The following NFRKB variants were observed in gnomAD, a reference collection of about 807,000 sequenced individuals.
The protein encoded by NFRKB is nuclear factor related to kappaB binding protein, also known as nuclear factor related to kappa-B-binding protein.
A neutral mutation model predicts 135.7 loss-of-function variants in NFRKB; 62 were observed. The observed-to-expected ratio is 0.46, with a 90% CI of 0.37 to 0.56. NFRKB has a LOEUF of 0.56. Ranked by LOEUF, NFRKB falls within the 20% of genes least tolerant of loss-of-function variation. The probability of loss-of-function intolerance (pLI) is 0.00; values close to 1 mark genes in which losing one functional copy is unlikely to be tolerated. For missense variants in NFRKB, 1,545 were observed against 1,662.0 expected (o/e 0.93, Z 1.22); for synonymous variants, 678 against 635.6 (o/e 1.07, Z -1.00).
intron 1 of NFRKB, among the ~76,000 whole-genome samples, chr11:129,895,004 A>G (rs556270735): frequency 6.6e-6 from 1 of 152,272 alleles, no homozygotes; most frequent in African/African-American, 2.4e-5. Flanking sequence ...TTCTGAACAG[A>G]ATCTCAAAAT....
In NFRKB at chr11:129,865,927, C is replaced by T. The variant is rs117354966; in HGVS notation, c.3588G>A (p.Lys1196=). 0.016 allele frequency: 26,123 copies of T among 1,613,904 alleles called. 242 individuals are homozygous for T. The highest frequency in any genetic ancestry group is 0.019 in the Non-Finnish European group (22,901 of 1,179,942). Residue 1196 remains lysine, a synonymous_variant, in exon 25 of 27, where the codon AAG becomes AAA. Coordinates refer to ENST00000682444, the MANE Select transcript of NFRKB (RefSeq NM_001143835.2). Reference sequence around the variant, plus strand: ...TGGGGGCTGTGACCACGCTCTTGCCCTTCATTGGCTGGCTGATCACAGAGA... The same window carrying T: ...TGGGGGCTGTGACCACGCTCTTGCCTTTCATTGGCTGGCTGATCACAGAGA... The part of the protein sequence containing the change: ...VPLSVISQPM[K]GKSVVTAPII...
intron 4 of NFRKB, 93 bp downstream of exon 4, chr11:129,888,501 T>C (rs746626933): frequency 6.3e-5 from 79 of 1,256,714 alleles, no homozygotes; most frequent in Non-Finnish European, 8.9e-5. Context: ...TACATGAAGA[T>C]AAAAAGAAGA....
intron 7 of NFRKB, among the ~76,000 whole-genome samples, chr11:129,884,391 CA>C (rs1052337366): frequency 6.6e-6 from 1 of 152,160 alleles, no homozygotes; most frequent in African/African-American, 2.4e-5. Flanking sequence ...CTGTTCCAAA[CA>C]AAAACTCTTC....
chr11:129,894,763 G>C (rs975685250), intron 1 of NFRKB, among the ~76,000 whole-genome samples: 1 of 152,154 alleles, frequency 6.6e-6, no homozygotes, highest in Non-Finnish European at 1.5e-5. Flanking sequence ...CATAGCATGT[G>C]AGTTTAACAA....
chr11:129,888,702 A>G lies in NFRKB; in HGVS notation c.229T>C (p.Phe77Leu), dbSNP rs971085382. Residue 77 changes from phenylalanine (F) to leucine (L), a missense_variant, in exon 4 of 27, where the codon TTT becomes CTT. Transcript: ENST00000682444. ...TGCTGCTCAGCACTGTCTTCAGGAA[A>G]CTGGGGCAGAAACTGCTGGAGGTGT... ...REHLQQFLPQFPEDSAEQQNE... is the reference protein window; with the variant it reads ...REHLQQFLPQLPEDSAEQQNE... 3.1e-6 allele frequency: 5 copies of G among 1,614,216 alleles called. No homozygotes were observed. The highest frequency in any genetic ancestry group is 4.2e-6 in the Non-Finnish European group (5 of 1,180,028).
intron 1 of NFRKB, among the ~76,000 whole-genome samples, chr11:129,895,275 GC>G (rs1949721651): frequency 6.6e-6 from 1 of 152,082 alleles, no homozygotes; most frequent in Middle Eastern, 3.2e-3. Flanking sequence ...CTGGCCCAAG[GC>G]CCGGGTCCAA....
intron 22 of NFRKB, 152 bp downstream of exon 22, chr11:129,873,593 T>C: frequency 9.0e-7 from 1 of 1,106,906 alleles, no homozygotes; most frequent in Non-Finnish European, 1.3e-6. Context: ...TACACAGCTC[T>C]GAACATTCAG....
At chr11:129,872,267 C>A (rs1008743625) in intron 23 of NFRKB, among the ~76,000 whole-genome samples, 4 of 152,094 alleles carry the variant, frequency 2.6e-5, no homozygotes, top group Non-Finnish European at 4.4e-5. Flanking sequence ...GTTTAATGTA[C>A]CATTAAATCT....
chr11:129,875,916 C>T (rs536645941), intron 17 of NFRKB, among the ~76,000 whole-genome samples: 1 of 152,222 alleles, frequency 6.6e-6, no homozygotes, highest in South Asian at 2.1e-4. Flanking sequence ...CTTGGCCTCC[C>T]AAAGTGCTGG....
At chr11:129,869,327 T>C (rs1371638725) in intron 24 of NFRKB, among the ~76,000 whole-genome samples, 167 bp downstream of exon 24, 1 of 152,140 alleles carries the variant, frequency 6.6e-6, no homozygotes, top group African/African-American at 2.4e-5. Flanking sequence ...CAAAAGCCTA[T>C]CAGTAAATAA....
rs1489221666 is a variant in NFRKB at position 129,882,515 on chromosome 11, T to G, written c.1018A>C (p.Thr340Pro). The change falls in exon 10 of 27, where the codon ACT becomes CCT. Residue 340 changes from threonine (T) to proline (P), a missense_variant. Physicochemically the swap from Thr to Pro is conservative, Grantham distance 38 (BLOSUM62 -1). Transcript: ENST00000682444. ...TGTGAGAGAGGTGCGACCCCTTCAG[T>G]ACTGCTTAGCGGCTCGGCCAGGTCC... The part of the protein sequence containing the change: ...AEDLAEPLSS[T>P]EGVAPLSQAP... The G allele has an allele frequency of 6.2e-7, 1 of 1,614,106 alleles. No homozygotes were observed. The highest frequency in any genetic ancestry group is 1.7e-5 in the Admixed American group (1 of 60,016).
At chr11:129,877,277 T>A in intron 16 of NFRKB, 48 bp downstream of exon 16, 1 of 1,576,266 alleles carries the variant, frequency 6.3e-7, no homozygotes. Flanking sequence ...AGCATCTCTC[T>A]GCATGGCTCA....
In NFRKB at chr11:129,874,525, T is replaced by C. The variant is rs754003388; in HGVS notation, c.2034A>G (p.Gln678=). Residue 678 remains glutamine, a synonymous_variant, in exon 20 of 27, where the codon CAA becomes CAG. Coordinates refer to ENST00000682444, the MANE Select transcript of NFRKB (RefSeq NM_001143835.2). This position sits in a 1 kb window ranked among gnomAD's most constrained non-coding sequence, Gnocchi z 4.5. ...CCACCTTGGATGGGGGCTTGGGTTT[T>C]TGCTGAAGAGCTTTTCTGGCTTTAG... ...AAAKARKALQ[Q]KPKPPSKVKS... The C allele has an allele frequency of 6.2e-7, 1 of 1,614,154 alleles. No individual in the cohort carries two copies. Among genetic ancestry groups the C allele is most frequent in the East Asian group, 2.2e-5 (1 of 44,888 alleles).
chr11:129,881,547 C>T (rs367807461), intron 12 of NFRKB, 39 bp from the exon 13 acceptor site: 14 of 1,610,394 alleles, frequency 8.7e-6, no homozygotes, highest in Non-Finnish European at 1.1e-5. Flanking sequence ...CATACAGGTG[C>T]GTCCCTGAGC....
Position 129,864,605 on chromosome 11 carries a change from T to C in NFRKB, c.*120A>G. On this transcript the variant is annotated 3_prime_UTR_variant, in exon 27 of 27. Coordinates refer to ENST00000682444, the MANE Select transcript of NFRKB (RefSeq NM_001143835.2). ...CCACGAATCCAGGCCACCGTTGCCA[T>C]CACCCCTCGCCTGGCTGCCTTGAAC... 1 of 1,418,054 alleles carries C rather than the reference T, an allele frequency of 7.1e-7. No individual in the cohort carries two copies. The highest frequency in any genetic ancestry group is 1.9e-5 in the Admixed American group (1 of 52,804). 87.8% of individuals were successfully genotyped at this position (1,418,054 alleles called of 1,614,324 possible). A position where few individuals can be genotyped will look rare whatever the true frequency, so the allele number is the denominator to read the frequency against.
At position 129,872,965 on chromosome 11, in the gene NFRKB, C is replaced by A; in HGVS notation, c.2682G>T (p.Thr894=). 6.2e-7 allele frequency: 1 copy of A among 1,614,150 alleles called. No individual in the cohort carries two copies. The highest frequency in any genetic ancestry group is 2.2e-5 in the East Asian group (1 of 44,868). Residue 894 remains threonine, a synonymous_variant, in exon 23 of 27, where the codon ACG becomes ACT. Transcript: ENST00000682444. ...ATASPVSKPA[T]SSPGTSAPSA... Reference sequence around the variant, plus strand: ...TGGGAGCAGAGGTCCCAGGAGAACTCGTGGCTGGCTTACTCACAGGGCTGG... The same window carrying A: ...TGGGAGCAGAGGTCCCAGGAGAACTAGTGGCTGGCTTACTCACAGGGCTGG...
At position 129,882,492 on chromosome 11, in the gene NFRKB, T is replaced by A. The variant is rs1565413241; in HGVS notation, c.1041A>T (p.Ser347=). 3 of 1,613,918 alleles carry A rather than the reference T, an allele frequency of 1.9e-6. No homozygotes were observed. Among genetic ancestry groups the A allele is most frequent in the East Asian group, 4.5e-5 (2 of 44,886 alleles). The change falls in exon 10 of 27, where the codon TCA becomes TCT. Residue 347 remains serine (S), a synonymous_variant. Transcript: ENST00000682444. ...GAATTGCCAGCGGAGAGGGGGCCTGTGAGAGAGGTGCGACCCCTTCAGTAC... is the reference window on the plus strand; with the variant it reads ...GAATTGCCAGCGGAGAGGGGGCCTGAGAGAGAGGTGCGACCCCTTCAGTAC... The part of the protein sequence containing the change: ...LSSTEGVAPL[S]QAPSPLAIPA...
At chr11:129,865,179 GGAC>G (rs1230063899) in intron 25 of NFRKB, 78 bp from the exon 26 acceptor site, 13 of 1,519,784 alleles carry the variant, frequency 8.6e-6, no homozygotes, top group East Asian at 2.3e-5. Flanking sequence ...ATGTATTGAA[GGAC>G]AACAGGGAGG....
At chr11:129,867,126 G>C (rs1948231056) in intron 24 of NFRKB, among the ~76,000 whole-genome samples, 1 of 152,234 alleles carries the variant, frequency 6.6e-6, no homozygotes, top group Non-Finnish European at 1.5e-5. Context: ...TAGACAGGGG[G>C]AAGTAAGCAC....
Sources: allele counts gnomAD v4.1 joint callset (sites outside exome capture counted in the v4.1 genomes callset), GRCh38; gene constraint gnomAD v4.1.1; non-coding constraint Gnocchi (gnomAD v3.1); transcripts MANE v1.5; gene names NCBI Gene and HGNC (gene_info 2026-07-23, HGNC 2026-07-21).